The following RABGAP1L variants were observed in gnomAD, a reference collection of about 807,000 sequenced individuals.
RABGAP1L encodes the protein RAB GTPase activating protein 1 like.
RABGAP1L carries 63 observed loss-of-function variants against 137.7 expected under a neutral mutation model. That is an observed-to-expected ratio of 0.46 (90% confidence interval 0.37 to 0.56). The LOEUF is 0.56. Among genes scored for constraint, RABGAP1L ranks in the 20% least tolerant of loss-of-function variants. The probability of loss-of-function intolerance (pLI) is 0.00; values close to 1 mark genes in which losing one functional copy is unlikely to be tolerated. For missense variants in RABGAP1L, 1,095 were observed against 1,244.0 expected (o/e 0.88, Z 1.80); for synonymous variants, 431 against 433.7 (o/e 0.99, Z 0.08).
At chr1:174,473,428 C>G (rs1410052170) in intron 13 of RABGAP1L, among the ~76,000 whole-genome samples, 1 of 152,130 alleles carries the variant, frequency 6.6e-6, no homozygotes, top group East Asian at 1.9e-4. Flanking sequence ...GCCCAGAGCA[C>G]TAGATGAGTC....
chr1:174,989,768 C>A, intron 25 of RABGAP1L, 81 bp from the exon 26 acceptor site: 1 of 1,455,758 alleles, frequency 6.9e-7, no homozygotes, highest in South Asian at 1.3e-5. Flanking sequence ...CTTGAGACTC[C>A]AAAAAGCTGC....
chr1:174,320,796 A>G (rs1201727336), intron 11 of RABGAP1L, among the ~76,000 whole-genome samples: 1 of 152,024 alleles, frequency 6.6e-6, no homozygotes, highest in East Asian at 1.9e-4. Context: ...TCGCCTCAGG[A>G]CCCTGTGATG....
chr1:174,464,463 C>G (rs113618031), intron 13 of RABGAP1L, among the ~76,000 whole-genome samples: 23 of 152,294 alleles, frequency 1.5e-4, no homozygotes, highest in African/African-American at 4.8e-4. Context: ...AATGAGCCTT[C>G]TTATTCTGGG....
At chr1:174,867,798 A>T (rs1171257273) in intron 19 of RABGAP1L, among the ~76,000 whole-genome samples, 2 of 152,112 alleles carry the variant, frequency 1.3e-5, no homozygotes, top group South Asian at 2.1e-4. Flanking sequence ...GGTGCATGCC[A>T]CCAGGCTGAC....
intron 14 of RABGAP1L, among the ~76,000 whole-genome samples, chr1:174,652,706 G>A (rs189038220): frequency 1.2e-3 from 177 of 152,252 alleles, no homozygotes; most frequent in Middle Eastern, 3.4e-3. Flanking sequence ...GATGCCAGCC[G>A]GAGCTCTCCT....
chr1:174,348,621 G>T (rs1265815666), intron 11 of RABGAP1L, among the ~76,000 whole-genome samples: 1 of 146,092 alleles, frequency 6.8e-6, no homozygotes, highest in African/African-American at 2.5e-5. Flanking sequence ...CGCAGTGTTT[G>T]TGTCCCTGAT....
intron 13 of RABGAP1L, among the ~76,000 whole-genome samples, chr1:174,503,334 T>A (rs1449305200): frequency 1.3e-5 from 2 of 152,124 alleles, no homozygotes; most frequent in African/African-American, 2.4e-5. Context: ...AAACAAATTT[T>A]AAAAATCAGG....
At position 174,889,554 on chromosome 1, in the gene RABGAP1L, G is replaced by T. The variant is rs539989421; in HGVS notation, c.2341-67903G>T. ...TCCTGCTTCAACCTCTCAAGTAGTTGGGATTATAGGTGCATGTCACCATAC... is the reference window on the plus strand; with the variant it reads ...TCCTGCTTCAACCTCTCAAGTAGTTTGGATTATAGGTGCATGTCACCATAC... On this transcript the variant is annotated intron_variant, in intron 19 of 25. Transcript: ENST00000681986. 2.0e-5 allele frequency among the ~76,000 whole-genome samples: 3 copies of T among 152,018 alleles called. No individual in the cohort carries two copies. In the South Asian group the frequency reaches 6.2e-4, roughly 32 times the overall value.
At chr1:174,580,816 AT>A (rs1425267086) in intron 13 of RABGAP1L, among the ~76,000 whole-genome samples, 1 of 152,248 alleles carries the variant, frequency 6.6e-6, no homozygotes, top group African/African-American at 2.4e-5. Context: ...TATATCAATA[AT>A]TTTTATAACT....
intron 18 of RABGAP1L, among the ~76,000 whole-genome samples, chr1:174,776,963 T>C (rs1686574287): frequency 6.6e-6 from 1 of 152,224 alleles, no homozygotes; most frequent in African/African-American, 2.4e-5. Context: ...TGACAGGTAT[T>C]ATAGGCACAC....
chr1:174,718,326 C>CA (rs1359789373), intron 17 of RABGAP1L, among the ~76,000 whole-genome samples: 2 of 152,178 alleles, frequency 1.3e-5, no homozygotes, highest in Admixed American at 1.3e-4. Flanking sequence ...ATAAGCCAAA[C>CA]AGACATTCTC....
At chr1:174,870,757 A>C (rs1320444430) in intron 19 of RABGAP1L, among the ~76,000 whole-genome samples, 1 of 136,314 alleles carries the variant, frequency 7.3e-6, no homozygotes, top group African/African-American at 2.7e-5. Context: ...TTTTTTTTTG[A>C]GATGGAGTCT....
intron 1 of RABGAP1L, among the ~76,000 whole-genome samples, chr1:174,210,104 A>G (rs945876349): frequency 6.6e-6 from 1 of 152,148 alleles, no homozygotes; most frequent in African/African-American, 2.4e-5. Flanking sequence ...GTCCTTTTGA[A>G]TGCTAGGAAA....
chr1:174,269,043 C>T (rs980495121), intron 7 of RABGAP1L, among the ~76,000 whole-genome samples: 16 of 152,078 alleles, frequency 1.1e-4, no homozygotes, highest in Admixed American at 9.8e-4. Context: ...CCCCGGTTCA[C>T]GCCATTCTCT....
At chr1:174,245,917 T>A (rs1466482064) in intron 5 of RABGAP1L, 1 of 152,192 alleles carries the variant, frequency 6.6e-6, no homozygotes, top group Non-Finnish European at 1.5e-5. Context: ...ATTACAGGTG[T>A]GAGCCACCAT....
chr1:174,192,491 T>C (rs536382315), intron 1 of RABGAP1L, among the ~76,000 whole-genome samples: 1 of 152,116 alleles, frequency 6.6e-6, no homozygotes, highest in Admixed American at 6.5e-5. Flanking sequence ...CCCAGCTAAA[T>C]TTTGTATTTT....
intron 12 of RABGAP1L, among the ~76,000 whole-genome samples, chr1:174,383,713 C>G (rs917395955): frequency 2.0e-5 from 3 of 152,094 alleles, no homozygotes; most frequent in Non-Finnish European, 2.9e-5. Flanking sequence ...GAGATGAACC[C>G]GGTACCTCAG....
chr1:174,515,881 C>A (rs554324294), intron 13 of RABGAP1L, among the ~76,000 whole-genome samples: 17,001 of 151,802 alleles, frequency 0.11, 3,206 homozygotes, highest in African/African-American at 0.39. Context: ...AGCACTCTAT[C>A]TTAAGTTGGG....
chr1:174,850,280 CAGG>C (rs1212268621), intron 19 of RABGAP1L: 1 of 240,380 alleles, frequency 4.2e-6, no homozygotes, highest in African/African-American at 2.3e-5. Flanking sequence ...GGTGATTTAA[CAGG>C]AGAATTCTAC....
Sources: gnomAD v4.1 joint callset for allele counts (sites outside exome capture counted in the v4.1 genomes callset) on GRCh38, gnomAD v4.1.1 for gene constraint, MANE v1.5 for transcripts, NCBI Gene and HGNC (gene_info 2026-07-23, HGNC 2026-07-21) for gene names.